B4GALT6: variants seen among roughly 807,000 people sequenced by gnomAD.
B4GALT6 encodes the protein UDP-Gal:beta-GlcNAc beta-1,4-galactosyltransferase 6.
A neutral mutation model predicts 46.3 loss-of-function variants in B4GALT6; 14 were observed. That is an observed-to-expected ratio of 0.30 (90% CI 0.20 to 0.47). The LOEUF (loss-of-function observed/expected upper bound fraction) is 0.47. Among genes scored for constraint, B4GALT6 ranks in the 20% least tolerant of loss-of-function variants. The pLI is 0.99. For missense variants in B4GALT6, 386 were observed against 480.1 expected (o/e 0.80, Z 1.83); for synonymous variants, 168 against 162.0 (o/e 1.04, Z -0.28).
upstream of B4GALT6, chr18:31,684,666 G>A (rs2074523075): frequency 1.7e-6 from 2 of 1,190,630 alleles, no homozygotes; most frequent in Admixed American, 3.6e-5. Flanking sequence ...AAGAGGTGGA[G>A]GGGGGAGAGG....
At chr18:31,629,860 A>G (rs2073759193) in intron 6 of B4GALT6, among the ~76,000 whole-genome samples, 2 of 151,184 alleles carry the variant, frequency 1.3e-5, no homozygotes, top group African/African-American at 4.9e-5. Context: ...AAAAAAAAAA[A>G]AAAAAGAAAA....
At chr18:31,682,972 T>G (rs2074498240) in intron 1 of B4GALT6, among the ~76,000 whole-genome samples, 1 of 152,180 alleles carries the variant, frequency 6.6e-6, no homozygotes, top group African/African-American at 2.4e-5. Flanking sequence ...TTTGTGAGGT[T>G]TTTTGTTTTT....
intron 5 of B4GALT6, among the ~76,000 whole-genome samples, chr18:31,632,528 T>A (rs969756350): frequency 6.6e-6 from 1 of 152,210 alleles, no homozygotes; most frequent in Non-Finnish European, 1.5e-5. Context: ...TCTACATATT[T>A]TGAGGAAATG....
At chr18:31,714,290 C>T in the B4GALT6 span, among the ~76,000 whole-genome samples, 9 of 152,178 alleles carry the variant, frequency 5.9e-5, no homozygotes, top group Non-Finnish European at 1.2e-4. Context: ...TGAACTGGAG[C>T]AACAAAAAAA....
the B4GALT6 span, among the ~76,000 whole-genome samples, chr18:31,699,440 T>C: frequency 1.3e-5 from 2 of 151,598 alleles, no homozygotes; most frequent in Non-Finnish European, 2.9e-5. Flanking sequence ...GCCTGGCTAA[T>C]TTTTTGTATC....
At chr18:31,685,906 G>A (rs1163019615), upstream of B4GALT6, 3 of 152,182 alleles carry the variant, frequency 2.0e-5, no homozygotes, top group Non-Finnish European at 4.4e-5. Context: ...CTTATACCAG[G>A]ACTTGCCTTC....
the B4GALT6 span, among the ~76,000 whole-genome samples, chr18:31,696,578 T>C: frequency 6.6e-6 from 1 of 152,228 alleles, no homozygotes; most frequent in African/African-American, 2.4e-5. Context: ...CAACCAAAGA[T>C]ATAGAACAAT....
chr18:31,662,573 T>C (rs767388575), intron 2 of B4GALT6, among the ~76,000 whole-genome samples: 1 of 152,234 alleles, frequency 6.6e-6, no homozygotes, highest in African/African-American at 2.4e-5. Flanking sequence ...CTGGGCGTAG[T>C]GGCTCATGCC....
At chr18:31,652,070 T>C (rs1015971028) in intron 3 of B4GALT6, among the ~76,000 whole-genome samples, 9 of 152,030 alleles carry the variant, frequency 5.9e-5, no homozygotes, top group African/African-American at 1.9e-4. Flanking sequence ...GCGCCCGGCC[T>C]CTTCTCTCCA....
intron 5 of B4GALT6, among the ~76,000 whole-genome samples, chr18:31,637,816 T>C (rs1020134873): frequency 6.6e-6 from 1 of 152,234 alleles, no homozygotes; most frequent in Non-Finnish European, 1.5e-5. Context: ...CCAAGGTAAC[T>C]GTACGGTGCT....
the B4GALT6 span, chr18:31,724,381 G>T: frequency 9.1e-7 from 1 of 1,096,906 alleles, no homozygotes; most frequent in Non-Finnish European, 1.1e-6. Context: ...GCTGACCTCT[G>T]ACTCCCTGGG....
At chr18:31,712,593 G>C in the B4GALT6 span, among the ~76,000 whole-genome samples, 3 of 152,146 alleles carry the variant, frequency 2.0e-5, no homozygotes, top group Admixed American at 1.3e-4. Context: ...TGGGATTACA[G>C]GCGTGAGCCA....
chr18:31,668,831 C>T (rs1373132279), intron 1 of B4GALT6, among the ~76,000 whole-genome samples: 1 of 142,970 alleles, frequency 7.0e-6, no homozygotes, highest in Non-Finnish European at 1.5e-5. Context: ...GAAATGCCGT[C>T]TCTACTAAAA....
In B4GALT6 at chr18:31,658,345, C is replaced by T. The variant is rs536638056; in HGVS notation, c.233-256G>A. On this transcript the variant is annotated intron_variant, in intron 2 of 8. Transcript: ENST00000306851. ...ACAGACATGGCAGTCCCACTTGCAA[C>T]CATGTGAGAACACCTGCTCCCGTCC... The T allele has an allele frequency of 7.2e-4, 215 of 300,454 alleles. 3 individuals are homozygous for T. The highest frequency in any genetic ancestry group is 4.0e-3 in the African/African-American group (191 of 47,518). The allele number at this position is 300,454 out of a possible 1,614,324, so 18.6% of individuals were successfully genotyped here.
intron 5 of B4GALT6, among the ~76,000 whole-genome samples, chr18:31,637,416 A>G (rs1355657870): frequency 1.4e-5 from 2 of 143,850 alleles, no homozygotes; most frequent in African/African-American, 5.2e-5. Flanking sequence ...TTGACCTGTC[A>G]GTTCAATGGA....
Position 31,684,525 on chromosome 18 carries a change from G to T in B4GALT6, c.-99C>A, listed in dbSNP as rs2074519760. The stretch of plus-strand genomic sequence containing the variant: ...TCCATAAATGTGCTGAGAACCCCGA[G>T]ACTGCAGCGGGGTCCGCGCGGGGAG... On this transcript the variant is annotated 5_prime_UTR_variant, in exon 1 of 9. Transcript: ENST00000306851. 1 of 1,520,500 alleles carries T rather than the reference G, an allele frequency of 6.6e-7. No homozygotes were observed. Among genetic ancestry groups the T allele is most frequent in the Non-Finnish European group, 8.8e-7 (1 of 1,133,258 alleles). 94.2% of individuals were successfully genotyped at this position (1,520,500 alleles called of 1,614,324 possible).
rs2073783088 is a variant in B4GALT6 at position 31,631,124 on chromosome 18, C to T, written c.611G>A (p.Arg204His). The T allele has an allele frequency of 1.2e-6, 2 of 1,613,104 alleles. No individual in the cohort carries two copies. The highest frequency in any genetic ancestry group is 1.7e-6 in the Non-Finnish European group (2 of 1,179,810). ...IEQTGTQPFN[R>H]AMLFNVGFKE... The stretch of plus-strand genomic sequence containing the variant: ...GAAGCCCACATTGAAAAGCATCGCA[C>T]GGTTAAAAGGTTGTGTGCCAGTCTT... The change falls in exon 6 of 9, where the codon CGT (arginine) becomes CAT (histidine). Residue 204 changes from arginine to histidine, a missense_variant. Transcript: ENST00000306851.
intron 5 of B4GALT6, among the ~76,000 whole-genome samples, chr18:31,634,953 A>G (rs1400380104): frequency 6.6e-6 from 1 of 152,184 alleles, no homozygotes; most frequent in Non-Finnish European, 1.5e-5. Flanking sequence ...TATGCCTTTA[A>G]AAACAGAGAC....
chr18:31,718,740 G>A, the B4GALT6 span, among the ~76,000 whole-genome samples: 1 of 152,150 alleles, frequency 6.6e-6, no homozygotes, highest in African/African-American at 2.4e-5. Context: ...CTGATTCCTG[G>A]AATGACCAAC....
Sources: gnomAD v4.1 joint callset for allele counts (sites outside exome capture counted in the v4.1 genomes callset) on GRCh38, gnomAD v4.1.1 for gene constraint, MANE v1.5 for transcripts, NCBI Gene and HGNC (gene_info 2026-07-23, HGNC 2026-07-21) for gene names.